The following NEDD4L variants were observed in gnomAD, a reference collection of about 807,000 sequenced individuals.
The protein encoded by NEDD4L is E3 ubiquitin-protein ligase NEDD4-like.
A neutral mutation model predicts 148.9 loss-of-function variants in NEDD4L; 54 were observed. That is an observed-to-expected ratio of 0.36 (90% CI 0.29 to 0.45). NEDD4L has a LOEUF of 0.45. Ranked by LOEUF, NEDD4L falls within the 20% of genes least tolerant of loss-of-function variation. NEDD4L has a pLI of 1.00. For missense variants in NEDD4L, 856 were observed against 1,233.8 expected (o/e 0.69, Z 4.59); for synonymous variants, 433 against 440.7 (o/e 0.98, Z 0.22).
At chr18:58,371,203 A>ATTTTTTTTTTTTTTTTTTTTTTTTTTTT (rs34960405) in intron 23 of NEDD4L, among the ~76,000 whole-genome samples, 2 of 92,988 alleles carry the variant, frequency 2.2e-5, no homozygotes. Context: ...TGCCTGGCTA[A>ATTTTTTTTTTTTTTTTTTTTTTTTTTTT]TTTTTTTTTT....
chr18:58,087,591 C>T (rs757309560), intron 1 of NEDD4L, among the ~76,000 whole-genome samples: 2 of 152,116 alleles, frequency 1.3e-5, no homozygotes, highest in East Asian at 1.9e-4. Context: ...AGGAACATTA[C>T]TGGCCAGGCA....
chr18:58,298,177 A>G (rs1414708537), intron 5 of NEDD4L, among the ~76,000 whole-genome samples: 2 of 152,174 alleles, frequency 1.3e-5, no homozygotes, highest in Admixed American at 6.5e-5. Context: ...ATTTAAATTT[A>G]TGCTAGTTCA....
chr18:58,222,320 T>A (rs2043861139), intron 2 of NEDD4L, among the ~76,000 whole-genome samples: 1 of 152,216 alleles, frequency 6.6e-6, no homozygotes, highest in Non-Finnish European at 1.5e-5. Context: ...GGAGAATAAT[T>A]CATGGCTTAT....
In NEDD4L at chr18:58,383,311, A is replaced by G; in HGVS notation, c.2418A>G (p.Glu806=). The G allele has an allele frequency of 1.3e-6, 2 of 1,521,738 alleles. No individual in the cohort carries two copies. The highest frequency in any genetic ancestry group is 1.2e-5 in the South Asian group (1 of 83,476). The allele number at this position is 1,521,738 out of a possible 1,614,324, so 94.3% of individuals were successfully genotyped here. The change falls in exon 25 of 31, where the codon GAA becomes GAG. Residue 806 remains glutamate, a synonymous_variant. Transcript: ENST00000400345. ...EIMVTNENKR[E]YIDLVIQWRF... ...TGGTCACAAATGAAAACAAAAGGGA[A>G]TATATCGAGTATGTATACACATATT...
intron 2 of NEDD4L, among the ~76,000 whole-genome samples, chr18:58,181,480 G>A (rs570642208): frequency 6.6e-6 from 1 of 152,182 alleles, no homozygotes; most frequent in Admixed American, 6.5e-5. Context: ...CACCAAGACT[G>A]GAGTGCAGTG....
chr18:58,073,538 A>G (rs766688359), intron 1 of NEDD4L, among the ~76,000 whole-genome samples: 80 of 152,390 alleles, frequency 5.2e-4, no homozygotes, highest in Non-Finnish European at 6.2e-4. Flanking sequence ...TTATTCAGCC[A>G]TTAAACCACT....
intron 2 of NEDD4L, among the ~76,000 whole-genome samples, chr18:58,221,923 A>G (rs781158274): frequency 1.3e-5 from 2 of 152,188 alleles, no homozygotes; most frequent in Admixed American, 6.5e-5. Flanking sequence ...GTTAGCTATA[A>G]TTGGTCAATT....
intron 24 of NEDD4L, among the ~76,000 whole-genome samples, chr18:58,375,711 TTC>T (rs2047479392): frequency 6.6e-6 from 1 of 152,116 alleles, no homozygotes; most frequent in African/African-American, 2.4e-5. Flanking sequence ...CCCTGAGGTC[TTC>T]TGGGTCTCTC....
At chr18:58,389,049 C>T in intron 27 of NEDD4L, 36 bp from the exon 28 acceptor site, 1 of 1,560,828 alleles carries the variant, frequency 6.4e-7, no homozygotes, top group Middle Eastern at 1.7e-4. Context: ...GCACCTTTCA[C>T]ATCCTGCTTT....
chr18:58,190,045 G>A (rs2039933544), intron 2 of NEDD4L: 1 of 152,182 alleles, frequency 6.6e-6, no homozygotes, highest in Admixed American at 6.5e-5. Context: ...GAAAAGACTG[G>A]AGAGGGTATG....
At chr18:58,357,458 A>C (rs1305815011) in intron 19 of NEDD4L, 7 of 698,260 alleles carry the variant, frequency 1.0e-5, no homozygotes, top group Middle Eastern at 2.3e-4. Context: ...TTTCATTATA[A>C]AGGAAAACAG....
At chr18:58,384,315 T>C (rs1219268057) in intron 25 of NEDD4L, among the ~76,000 whole-genome samples, 1 of 152,220 alleles carries the variant, frequency 6.6e-6, no homozygotes, top group African/African-American at 2.4e-5. Context: ...GGCGGACTCT[T>C]TTCACTCTCA....
At chr18:58,118,559 A>G (rs977364654) in intron 1 of NEDD4L, among the ~76,000 whole-genome samples, 1 of 152,082 alleles carries the variant, frequency 6.6e-6, no homozygotes, top group East Asian at 1.9e-4. Context: ...AGGAACCTGT[A>G]TTCCTCCTCT....
At chr18:58,057,203 C>T (rs993650532) in intron 1 of NEDD4L, among the ~76,000 whole-genome samples, 5 of 151,698 alleles carry the variant, frequency 3.3e-5, no homozygotes, top group East Asian at 1.9e-4. Flanking sequence ...CCCGAATATG[C>T]AGCTAAGTAT....
At chr18:58,395,253 G>C (rs549699048) in intron 30 of NEDD4L, among the ~76,000 whole-genome samples, 3 of 152,248 alleles carry the variant, frequency 2.0e-5, no homozygotes, top group East Asian at 3.9e-4. Context: ...CACACACACA[G>C]AGGTGCAGGT....
At chr18:58,192,959 T>C (rs2040276451) in intron 2 of NEDD4L, among the ~76,000 whole-genome samples, 1 of 152,248 alleles carries the variant, frequency 6.6e-6, no homozygotes, top group Non-Finnish European at 1.5e-5. Flanking sequence ...TATCCTAGTT[T>C]GATGTGATCA....
intron 1 of NEDD4L, among the ~76,000 whole-genome samples, chr18:58,070,460 G>A (rs2082808862): frequency 6.6e-6 from 1 of 151,790 alleles, no homozygotes; most frequent in African/African-American, 2.4e-5. Context: ...TTGTAGAGAT[G>A]GAGTCTCCCT....
At chr18:58,324,822 A>G (rs2059165712) in intron 8 of NEDD4L, among the ~76,000 whole-genome samples, 174 bp from the exon 9 acceptor site, 1 of 152,054 alleles carries the variant, frequency 6.6e-6, no homozygotes, top group African/African-American at 2.4e-5. Flanking sequence ...GAATTGATAT[A>G]TATATATTTT....
intron 1 of NEDD4L, among the ~76,000 whole-genome samples, chr18:58,117,154 G>C (rs1598902910): frequency 6.6e-6 from 1 of 152,290 alleles, no homozygotes; most frequent in Middle Eastern, 3.4e-3. Flanking sequence ...TTGCTCAAGT[G>C]CTTTGTTTTT....
Sources: allele counts gnomAD v4.1 joint callset (sites outside exome capture counted in the v4.1 genomes callset), GRCh38; gene constraint gnomAD v4.1.1; transcripts MANE v1.5; gene names NCBI Gene and HGNC (gene_info 2026-07-23, HGNC 2026-07-21).